Variants in HECW1 observed in about 807,000 individuals in gnomAD.
HECW1 encodes the protein HECT, C2 and WW domain containing E3 ubiquitin protein ligase 1.
In HECW1, 61 loss-of-function variants were observed where a neutral mutation model predicts 182.3. The ratio of observed to expected loss-of-function variants is 0.33; its 90% CI spans 0.27 to 0.41. HECW1 has a LOEUF of 0.41. Ranked by LOEUF, HECW1 falls within the 10% of genes least tolerant of loss-of-function variation. The probability of loss-of-function intolerance (pLI) is 1.00; values close to 1 mark genes in which losing one functional copy is unlikely to be tolerated. For missense variants in HECW1, 1,739 were observed against 2,108.9 expected, an observed-to-expected ratio of 0.82 and a Z score of 3.44; for synonymous variants, 859 against 832.6, an observed-to-expected ratio of 1.03 and a Z score of -0.55.
intron 24 of HECW1, among the ~76,000 whole-genome samples, chr7:43,528,013 C>T (rs544028109): frequency 1.4e-3 from 209 of 152,252 alleles, no homozygotes; most frequent in African/African-American, 4.6e-3. Flanking sequence ...TATTAGCTAA[C>T]GTTAATAGCT....
rs148804943 is a variant in HECW1, at chr7:43,210,841, T to A, written c.-31-33034T>A. Among the ~76,000 whole-genome samples, 42 of 152,294 alleles carry A rather than the reference T, an allele frequency of 2.8e-4. No homozygotes were observed. The East Asian group carries it at 5.8e-3, about 21-fold the overall frequency. ...GTGGAAGTCAGTAGTGGGTCTGCAA[T>A]GGCGGTAAATATCAATGGTGGACGG... is the stretch of plus-strand genomic sequence containing the variant. On this transcript the variant is annotated intron_variant, in intron 2 of 29. Coordinates refer to ENST00000395891, the MANE Select transcript of HECW1 (RefSeq NM_015052.5).
chr7:43,452,063 AAC>A (rs1319876066), intron 12 of HECW1, among the ~76,000 whole-genome samples: 3 of 152,204 alleles, frequency 2.0e-5, no homozygotes. Flanking sequence ...AATTTAAAGA[AAC>A]ACAATATTTG....
At chr7:43,155,122 C>T (rs1789738105) in intron 2 of HECW1, among the ~76,000 whole-genome samples, 3 of 152,154 alleles carry the variant, frequency 2.0e-5, no homozygotes, top group Admixed American at 2.0e-4. Context: ...GGCTGGCTAA[C>T]TTGTAGCACG....
intron 9 of HECW1, 61 bp from the exon 10 acceptor site, chr7:43,442,468 T>C: frequency 8.1e-7 from 1 of 1,228,332 alleles, no homozygotes; most frequent in East Asian, 2.4e-5. Flanking sequence ...GAAAGCACAC[T>C]GCATGGTCAT....
intron 6 of HECW1, among the ~76,000 whole-genome samples, chr7:43,364,198 T>C (rs1257000688): frequency 1.3e-5 from 2 of 152,186 alleles, no homozygotes; most frequent in Non-Finnish European, 2.9e-5. Flanking sequence ...GCTCCTTTGG[T>C]GTAATCAGCG....
chr7:43,541,075 C>T lies in HECW1; in HGVS notation c.4020-88C>T, dbSNP rs548857202. ...TTCCTTAAGCAGCTTAAGATGAATG[C>T]TCAAACACATCAAATAAAAGTGCAA... On this transcript the variant is annotated intron_variant, in intron 24 of 29. Coordinates refer to ENST00000395891, the MANE Select transcript of HECW1 (RefSeq NM_015052.5). 7 of 1,038,880 alleles carry T rather than the reference C, an allele frequency of 6.7e-6. No homozygotes were observed. In the South Asian group the frequency reaches 7.8e-5, roughly 12 times the overall value. 64.4% of individuals were successfully genotyped at this position (1,038,880 alleles called of 1,614,324 possible).
intron 3 of HECW1, among the ~76,000 whole-genome samples, chr7:43,251,210 C>G (rs986649274): frequency 2.6e-5 from 4 of 152,214 alleles, no homozygotes; most frequent in African/African-American, 4.8e-5. Flanking sequence ...AGCTGTCTGT[C>G]GAAGAATGAG....
At chr7:43,223,208 C>T (rs1797135163) in intron 2 of HECW1, among the ~76,000 whole-genome samples, 1 of 152,184 alleles carries the variant, frequency 6.6e-6, no homozygotes, top group South Asian at 2.1e-4. Flanking sequence ...ACAACAGCTT[C>T]TCACCACCAT....
At chr7:43,283,423 C>T (rs1804188691) in intron 3 of HECW1, among the ~76,000 whole-genome samples, 6 of 152,016 alleles carry the variant, frequency 3.9e-5, no homozygotes, top group Admixed American at 3.9e-4. Context: ...TTAAATGATG[C>T]CATAATTCTC....
chr7:43,314,092 G>T (rs527368578), intron 4 of HECW1, among the ~76,000 whole-genome samples: 112 of 152,174 alleles, frequency 7.4e-4, no homozygotes, highest in Non-Finnish European at 1.2e-3. Flanking sequence ...GAGATTACAG[G>T]CATGAGCCAC....
intron 10 of HECW1, among the ~76,000 whole-genome samples, chr7:43,443,642 T>A (rs935137586): frequency 6.6e-6 from 1 of 152,196 alleles, no homozygotes; most frequent in African/African-American, 2.4e-5. Context: ...GGTGAAGACC[T>A]TGTTTTTTTT....
At chr7:43,366,322 T>G (rs907517416) in intron 6 of HECW1, among the ~76,000 whole-genome samples, 2 of 152,202 alleles carry the variant, frequency 1.3e-5, no homozygotes, top group Non-Finnish European at 2.9e-5. Flanking sequence ...CTGAGTCTCC[T>G]GCAGTGGACA....
chr7:43,116,135 G>A (rs1409888134), intron 2 of HECW1, among the ~76,000 whole-genome samples: 1 of 152,154 alleles, frequency 6.6e-6, no homozygotes, highest in African/African-American at 2.4e-5. Context: ...GGAACCGAGA[G>A]CCAGGACTCA....
intron 2 of HECW1, among the ~76,000 whole-genome samples, chr7:43,150,316 G>T (rs1789159305): frequency 6.6e-6 from 1 of 152,150 alleles, no homozygotes. Flanking sequence ...CTGACCAATT[G>T]ATTTCAGTTA....
chr7:43,188,129 G>T (rs947004090), intron 2 of HECW1, among the ~76,000 whole-genome samples: 5 of 152,308 alleles, frequency 3.3e-5, no homozygotes, highest in African/African-American at 1.2e-4. Context: ...GACTGAGGAT[G>T]TCTCTTCAAA....
At chr7:43,528,644 A>G (rs932318123) in intron 24 of HECW1, among the ~76,000 whole-genome samples, 1 of 152,122 alleles carries the variant, frequency 6.6e-6, no homozygotes, top group Admixed American at 6.6e-5. Flanking sequence ...TCTAAAAGAG[A>G]GGCACACCGC....
At chr7:43,401,024 G>A (rs745309870) in intron 7 of HECW1, among the ~76,000 whole-genome samples, 3 of 152,020 alleles carry the variant, frequency 2.0e-5, no homozygotes, top group East Asian at 1.9e-4. Context: ...CTGTGATTAC[G>A]TTGCACTCAC....
At chr7:43,246,462 T>G (rs1258686446) in intron 3 of HECW1, among the ~76,000 whole-genome samples, 21 of 152,164 alleles carry the variant, frequency 1.4e-4, no homozygotes, top group Admixed American at 1.4e-3. Flanking sequence ...CAGGGGTACA[T>G]CGCAAACCAC....
rs117083950 is a variant in HECW1 at position 43,480,872 on chromosome 7, C to T, written c.3234+1128C>T. On this transcript the variant is annotated intron_variant, in intron 17 of 29. Transcript: ENST00000395891. ...CAAACATAAGTCTCAAGGGAAGAGC[C>T]TATTGTTGATGTATCGGCACCAGTT... Among the ~76,000 whole-genome samples the T allele has an allele frequency of 6.9e-3, 1,044 of 152,200 alleles. 6 individuals are homozygous for T. The highest frequency in any genetic ancestry group is 0.011 in the Non-Finnish European group (767 of 68,006).
Sources: allele counts gnomAD v4.1 joint callset (sites outside exome capture counted in the v4.1 genomes callset), GRCh38; gene constraint gnomAD v4.1.1; transcripts MANE v1.5; gene names NCBI Gene and HGNC (gene_info 2026-07-23, HGNC 2026-07-21).